NCKAP5: variants seen among roughly 807,000 people sequenced by gnomAD.
NCKAP5 encodes NCK associated protein 5.
A neutral mutation model predicts 167.0 loss-of-function variants in NCKAP5; 92 were observed. The observed-to-expected ratio is 0.55, with a 90% confidence interval of 0.47 to 0.66. The LOEUF (loss-of-function observed/expected upper bound fraction) is 0.66. NCKAP5 is among the 30% of genes least tolerant of loss of function. NCKAP5 has a pLI of 0.00. For synonymous variants in NCKAP5, 891 were observed against 877.4 expected (o/e 1.02, Z -0.27); for missense variants, 2,378 against 2,315.0 (o/e 1.03, Z -0.56).
In NCKAP5 at chr2:132,783,075, C is replaced by T. The variant is rs775482886; in HGVS notation, c.3736G>A (p.Val1246Ile). The T allele has an allele frequency of 6.2e-7, 1 of 1,613,832 alleles. No homozygotes were observed. Among genetic ancestry groups the T allele is most frequent in the Non-Finnish European group, 8.5e-7 (1 of 1,179,844 alleles). The change falls in exon 14 of 20, where the codon GTA becomes ATA. Residue 1246 changes from valine (V) to isoleucine (I), a missense_variant. Around this residue, in one of 3 missense-constraint regions of NCKAP5, gnomAD observed 1,325 missense variants for 1,274.5 expected, o/e 1.04. Transcript: ENST00000409261. ...GATCTTCTCATGGATCTATTATCTA[C>T]CCCATCCCTTCCATCACTCCCAGGG... ...SIPGSDGRDGVDNRSMRRSLS... is the reference protein window; with the variant it reads ...SIPGSDGRDGIDNRSMRRSLS...
At chr2:133,058,917 T>A (rs1447568250) in intron 6 of NCKAP5, among the ~76,000 whole-genome samples, 1 of 152,198 alleles carries the variant, frequency 6.6e-6, no homozygotes, top group East Asian at 1.9e-4. Context: ...TTATACTAAA[T>A]AATTTAACCT....
chr2:133,586,708 G>C, the NCKAP5 span, among the ~76,000 whole-genome samples: 20 of 150,834 alleles, frequency 1.3e-4, no homozygotes, highest in African/African-American at 4.9e-4. Context: ...AAGAAATCTG[G>C]GGTACAATCA....
chr2:132,794,290 AGAGAGAGAGAGAGAGAGGGT>A (rs1209719659), intron 12 of NCKAP5, among the ~76,000 whole-genome samples: 4 of 121,354 alleles, frequency 3.3e-5, no homozygotes, highest in African/African-American at 1.2e-4. Context: ...AGAGAGAGAG[AGAGAGAGAGAGAGAGAGGGT>A]GGCGGGAAGA....
At chr2:133,245,688 T>C (rs1279802304) in intron 4 of NCKAP5, among the ~76,000 whole-genome samples, 2 of 152,220 alleles carry the variant, frequency 1.3e-5, no homozygotes, top group East Asian at 3.9e-4. Context: ...AATTAAATTT[T>C]GAAACCAGAA....
chr2:133,268,539 C>T (rs12472641), intron 4 of NCKAP5: 1 of 146,290 alleles, frequency 6.8e-6, no homozygotes, highest in South Asian at 2.2e-4. Context: ...CTGCAGTGCA[C>T]TGGCGCGATC....
At chr2:132,961,337 T>C (rs1326860440) in intron 8 of NCKAP5, among the ~76,000 whole-genome samples, 1 of 131,622 alleles carries the variant, frequency 7.6e-6, no homozygotes, top group African/African-American at 3.2e-5. Context: ...TATATTTATA[T>C]ATATTTACAA....
intron 11 of NCKAP5, among the ~76,000 whole-genome samples, chr2:132,813,662 T>C (rs1686052684): frequency 1.3e-5 from 2 of 152,128 alleles, no homozygotes; most frequent in Admixed American, 1.3e-4. Flanking sequence ...CAAGAAACCA[T>C]ACGTGGGCCC....
intron 11 of NCKAP5, 25 bp downstream of exon 11, chr2:132,860,467 G>A: frequency 6.4e-7 from 1 of 1,553,430 alleles, no homozygotes; most frequent in Middle Eastern, 1.7e-4. Context: ...CAGTAGCAAA[G>A]ATTGTTTTCC....
At chr2:132,792,128 T>G (rs1684126385) in intron 12 of NCKAP5, among the ~76,000 whole-genome samples, 6 of 152,192 alleles carry the variant, frequency 3.9e-5, no homozygotes, top group Admixed American at 3.9e-4. Flanking sequence ...TCTCAGCTCT[T>G]AATAACATTA....
At chr2:133,331,427 T>C (rs1278242330) in intron 3 of NCKAP5, among the ~76,000 whole-genome samples, 1 of 152,218 alleles carries the variant, frequency 6.6e-6, no homozygotes, top group Admixed American at 6.5e-5. Context: ...CAGAGCTTAA[T>C]GGCACCTGCA....
At chr2:133,024,384 A>G (rs11895552) in intron 6 of NCKAP5, among the ~76,000 whole-genome samples, 11,678 of 152,284 alleles carry the variant, frequency 0.077, 1,441 homozygotes, top group African/African-American at 0.26. Context: ...TTTTACTCAT[A>G]TCTTACATAG....
chr2:133,341,438 A>G (rs1683576673), intron 3 of NCKAP5, among the ~76,000 whole-genome samples: 1 of 152,214 alleles, frequency 6.6e-6, no homozygotes, highest in African/African-American at 2.4e-5. Flanking sequence ...AGAGAAATAC[A>G]TAATTCAAAG....
intron 4 of NCKAP5, among the ~76,000 whole-genome samples, chr2:133,296,973 C>T (rs1680005382): frequency 6.6e-6 from 1 of 152,106 alleles, no homozygotes; most frequent in African/African-American, 2.4e-5. Context: ...TTTTTTATCA[C>T]TTGTTAGGAA....
At chr2:133,243,323 G>A (rs2087816040) in intron 4 of NCKAP5, among the ~76,000 whole-genome samples, 1 of 152,100 alleles carries the variant, frequency 6.6e-6, no homozygotes, top group Non-Finnish European at 1.5e-5. Flanking sequence ...CAAAACAAAG[G>A]AAGTCTACTC....
At chr2:133,623,652 T>C in the NCKAP5 span, among the ~76,000 whole-genome samples, 1 of 151,046 alleles carries the variant, frequency 6.6e-6, no homozygotes, top group African/African-American at 2.4e-5. Flanking sequence ...AAAAAGATGT[T>C]GGCATGGATG....
intron 6 of NCKAP5, among the ~76,000 whole-genome samples, chr2:133,077,591 G>A (rs963692755): frequency 3.9e-5 from 6 of 152,242 alleles, no homozygotes; most frequent in East Asian, 1.9e-4. Flanking sequence ...AACAAGCCCC[G>A]ATGATGGGAC....
intron 12 of NCKAP5, among the ~76,000 whole-genome samples, chr2:132,790,978 G>A (rs2105115036): frequency 6.6e-6 from 1 of 152,160 alleles, no homozygotes; most frequent in East Asian, 1.9e-4. Context: ...CGAAGATAGA[G>A]TCACATCTTT....
intron 19 of NCKAP5, among the ~76,000 whole-genome samples, chr2:132,675,281 T>C (rs1243385664): frequency 6.6e-6 from 1 of 152,236 alleles, no homozygotes; most frequent in Non-Finnish European, 1.5e-5. Flanking sequence ...CTTGGCCCTT[T>C]CACGGGCTGA....
intron 8 of NCKAP5, among the ~76,000 whole-genome samples, chr2:132,926,509 T>C (rs1695904779): frequency 6.6e-6 from 1 of 152,200 alleles, no homozygotes; most frequent in African/African-American, 2.4e-5. Flanking sequence ...AATGCTCTCT[T>C]TTCTCTGCAT....
Sources: gnomAD v4.1 joint callset for allele counts (sites outside exome capture counted in the v4.1 genomes callset) on GRCh38, gnomAD v4.1.1 for gene constraint, gnomAD v4.1.1 regional missense constraint, MANE v1.5 for transcripts, NCBI Gene and HGNC (gene_info 2026-07-23, HGNC 2026-07-21) for gene names.